Variants in SDK2 observed in about 807,000 individuals in gnomAD.
SDK2 encodes protein sidekick-2.
In SDK2, 105 loss-of-function variants were observed where a neutral mutation model predicts 253.9. That is an observed-to-expected ratio of 0.41 (90% CI 0.35 to 0.49). The LOEUF (loss-of-function observed/expected upper bound fraction) is 0.49. SDK2 is among the 20% of genes least tolerant of loss of function. The pLI is 0.06. For synonymous variants in SDK2, 1,249 were observed against 1,234.9 expected, an observed-to-expected ratio of 1.01 and a Z score of -0.24; for missense variants, 2,608 against 3,003.0, an observed-to-expected ratio of 0.87 and a Z score of 3.07.
rs201256089 is a variant in SDK2, at chr17:73,401,051, G to A, written c.2940C>T (p.Ser980=). 244 of 1,578,032 alleles carry A rather than the reference G, an allele frequency of 1.5e-4. No homozygotes were observed. Among genetic ancestry groups the A allele is most frequent in the East Asian group, 2.1e-4 (9 of 43,040 alleles). Residue 980 remains serine, a synonymous_variant, in exon 21 of 45, where the codon TCC becomes TCT. Coordinates refer to ENST00000392650, the MANE Select transcript of SDK2 (RefSeq NM_001144952.2). ...AMTSKGQGQV[S]ASTISSGVPP... is the part of the protein sequence containing the mutation. ...GCACCCCAGAGGAGATGGTGGAGGC[G>A]GACACTTGGCCCTGGCCCTTTGAGG... is the stretch of plus-strand genomic sequence containing the variant.
intron 8 of SDK2, among the ~76,000 whole-genome samples, chr17:73,436,531 C>T (rs569694377): frequency 4.3e-5 from 6 of 140,888 alleles, no homozygotes; most frequent in South Asian, 2.3e-4. Flanking sequence ...GAGCCAAGAT[C>T]GTGCCACTGC....
intron 1 of SDK2, chr17:73,516,932 G>A (rs565123014): frequency 6.6e-6 from 1 of 152,376 alleles, no homozygotes; most frequent in South Asian, 2.1e-4. Context: ...CATGGCCCCA[G>A]GGAATCATAA....
At chr17:73,457,957 T>G (rs920294515) in intron 3 of SDK2, among the ~76,000 whole-genome samples, 11 of 152,136 alleles carry the variant, frequency 7.2e-5, no homozygotes, top group African/African-American at 2.7e-4. Context: ...TTTTGGGGTG[T>G]GTGGGCTGAC....
At chr17:73,583,376 G>A (rs1489284119) in intron 1 of SDK2, among the ~76,000 whole-genome samples, 1 of 152,284 alleles carries the variant, frequency 6.6e-6, no homozygotes, top group East Asian at 1.9e-4. Context: ...CCACTCGGGT[G>A]AGCACTTTGG....
In SDK2 at chr17:73,393,712, C is replaced by T. The variant is rs751363098; in HGVS notation, c.3746G>A (p.Arg1249Gln). The T allele has an allele frequency of 2.1e-5, 34 of 1,588,882 alleles. No individual in the cohort carries two copies. Among genetic ancestry groups the T allele is most frequent in the African/African-American group, 5.4e-5 (4 of 74,532 alleles). Residue 1249 changes from arginine to glutamine, a missense_variant, in exon 27 of 45, where the codon CGA becomes CAA. Physicochemically the swap from Arg to Gln is conservative, Grantham distance 43. This residue lies in a region of SDK2 where 1,505 missense variants were observed against 1,859.1 expected (regional missense o/e 0.81). Coordinates refer to ENST00000392650, the MANE Select transcript of SDK2 (RefSeq NM_001144952.2). ...YKEKDSDTQP[R>Q]FWLVEGNSSR... ...CGAGTTGCCTTCCACCAGCCAGAAT[C>T]GGGGCTGGGTGTCCGAGTCCTTCTC... is the stretch of plus-strand genomic sequence containing the variant.
intron 1 of SDK2, among the ~76,000 whole-genome samples, chr17:73,548,121 T>A (rs1599668627): frequency 6.6e-6 from 1 of 151,908 alleles, no homozygotes; most frequent in African/African-American, 2.4e-5. Flanking sequence ...CAATTCCACA[T>A]GAGATTTAAG....
At chr17:73,341,392 C>T (rs1317956968) in intron 44 of SDK2, among the ~76,000 whole-genome samples, 2 of 152,000 alleles carry the variant, frequency 1.3e-5, no homozygotes, top group African/African-American at 2.4e-5. Context: ...GAGCTCCCAG[C>T]AATGTTTTGA....
At chr17:73,458,507 C>T (rs974961289) in intron 3 of SDK2, among the ~76,000 whole-genome samples, 1 of 152,232 alleles carries the variant, frequency 6.6e-6, no homozygotes, top group African/African-American at 2.4e-5. Context: ...AGTCTTGATT[C>T]TCTTTCCAGC....
intron 40 of SDK2, among the ~76,000 whole-genome samples, chr17:73,355,146 C>T (rs1205130312): frequency 9.9e-6 from 1 of 101,022 alleles, no homozygotes; most frequent in Non-Finnish European, 1.9e-5. Context: ...TGAGCCTCTG[C>T]CTCCTACACC....
At chr17:73,560,342 TTTTG>T (rs991626657) in intron 1 of SDK2, among the ~76,000 whole-genome samples, 16 of 152,130 alleles carry the variant, frequency 1.1e-4, no homozygotes, top group South Asian at 6.2e-4. Context: ...CCTTTATTGT[TTTTG>T]TTTGTTTGTT....
At chr17:73,627,563 C>T (rs571154887) in intron 1 of SDK2, among the ~76,000 whole-genome samples, 1 of 152,284 alleles carries the variant, frequency 6.6e-6, no homozygotes, top group Admixed American at 6.5e-5. Context: ...AAGTCCTGGG[C>T]CAAGGGTGCC....
chr17:73,399,306 G>A lies in SDK2; in HGVS notation c.2972-17C>T. On this transcript the variant is annotated splice_polypyrimidine_tract_variant and intron_variant, in intron 21 of 44. Transcript: ENST00000392650. ...CTGGGAGTTCTGGAAAAGGAGAACAGGGTGGGGAAGGAGATCCGGTGAGAA... is the reference window on the plus strand; with the variant it reads ...CTGGGAGTTCTGGAAAAGGAGAACAAGGTGGGGAAGGAGATCCGGTGAGAA... 1.9e-6 allele frequency: 3 copies of A among 1,613,520 alleles called. No homozygotes were observed. The highest frequency in any genetic ancestry group is 2.5e-6 in the Non-Finnish European group (3 of 1,179,684).
At chr17:73,375,082 A>C (rs2062766383) in intron 36 of SDK2, among the ~76,000 whole-genome samples, 1 of 152,060 alleles carries the variant, frequency 6.6e-6, no homozygotes, top group Non-Finnish European at 1.5e-5. Context: ...CTGGGGACAC[A>C]CAAGGCTCTC....
At chr17:73,377,691 C>A (rs1201070153) in intron 36 of SDK2, among the ~76,000 whole-genome samples, 3 of 150,648 alleles carry the variant, frequency 2.0e-5, no homozygotes, top group Non-Finnish European at 4.4e-5. Flanking sequence ...CGGCTCACTG[C>A]AACCTCCCTC....
chr17:73,408,593 T>C (rs2063100489), intron 18 of SDK2, among the ~76,000 whole-genome samples: 1 of 152,196 alleles, frequency 6.6e-6, no homozygotes. Context: ...TTACAATTCA[T>C]TGTAACTATA....
chr17:73,595,373 G>C (rs1555608241), intron 1 of SDK2, among the ~76,000 whole-genome samples: 1 of 145,484 alleles, frequency 6.9e-6, no homozygotes, highest in South Asian at 2.1e-4. Context: ...TCCAGATTGA[G>C]GGGGTGTCCC....
chr17:73,446,018 C>G (rs368683760), intron 5 of SDK2, among the ~76,000 whole-genome samples: 125 of 152,144 alleles, frequency 8.2e-4, no homozygotes, highest in Middle Eastern at 3.4e-3. Flanking sequence ...GAAGAGTAGC[C>G]TAGTTTAACG....
chr17:73,574,450 T>G (rs1439361632), intron 1 of SDK2, among the ~76,000 whole-genome samples: 3 of 152,220 alleles, frequency 2.0e-5, no homozygotes, highest in East Asian at 1.9e-4. Flanking sequence ...CAAGCACACA[T>G]GCACACATAC....
rs1231460198 is a variant in SDK2, at chr17:73,570,771, C to T, written c.65-63174G>A. ...TAACACCGGAGCCCTTTGGAGGGGCCCTCTTCTACCCATTCCTGTGTTCTT... is the reference window on the plus strand; with the variant it reads ...TAACACCGGAGCCCTTTGGAGGGGCTCTCTTCTACCCATTCCTGTGTTCTT... On this transcript the variant is annotated intron_variant, in intron 1 of 44. Coordinates refer to ENST00000392650, the MANE Select transcript of SDK2 (RefSeq NM_001144952.2). The surrounding 1 kb of genome is among the most constrained non-coding windows in gnomAD (Gnocchi z 4.2). Among the ~76,000 whole-genome samples, 1 of 152,162 alleles carries T rather than the reference C, an allele frequency of 6.6e-6. No individual in the cohort carries two copies. Among genetic ancestry groups the T allele is most frequent in the Admixed American group, 6.5e-5 (1 of 15,278 alleles).
Sources: gnomAD v4.1 joint callset for allele counts (sites outside exome capture counted in the v4.1 genomes callset) on GRCh38, gnomAD v4.1.1 for gene constraint, gnomAD v4.1.1 regional missense constraint, Gnocchi (gnomAD v3.1) non-coding constraint, MANE v1.5 for transcripts, NCBI Gene and HGNC (gene_info 2026-07-23, HGNC 2026-07-21) for gene names.